Variants in SDK1 observed in about 807,000 individuals in gnomAD.
SDK1 encodes sidekick cell adhesion molecule 1.
In SDK1, 157 loss-of-function variants were observed where a neutral mutation model predicts 245.5. That is an observed-to-expected ratio of 0.64 (90% CI 0.56 to 0.73). The LOEUF is 0.73. Ranked by LOEUF, SDK1 falls within the 30% of genes least tolerant of loss-of-function variation. SDK1 has a pLI of 0.00. For missense variants in SDK1, 3,583 were observed against 3,002.3 expected, an observed-to-expected ratio of 1.19 and a Z score of -4.52; for synonymous variants, 1,647 against 1,278.5, an observed-to-expected ratio of 1.29 and a Z score of -6.15.
At position 3,870,707 on chromosome 7, in the gene SDK1, C is replaced by G. The variant is rs566884281; in HGVS notation, c.847+49124C>G. Among the ~76,000 whole-genome samples the G allele has an allele frequency of 2.6e-5, 4 of 152,196 alleles. No homozygotes were observed. The South Asian group carries it at 8.3e-4, about 32-fold the overall frequency. On this transcript the variant is annotated intron_variant, in intron 5 of 44. Transcript: ENST00000404826. ...TTGTATATAACCATAATAAATTTAT[C>G]AAAATGAACAAATTAACATTGGTAC... is the stretch of plus-strand genomic sequence containing the variant.
rs551908207 is a variant in SDK1, at chr7:3,743,341, G to T, written c.714-78109G>T. 2.0e-5 allele frequency among the ~76,000 whole-genome samples: 3 copies of T among 152,186 alleles called. No individual in the cohort carries two copies. The South Asian group carries it at 6.2e-4, about 31-fold the overall frequency. ...TCGGGTTCTGTGGCGGTACAGTCTTGCTAAGTCACAGATTTTTGAACCCAA... is the reference window on the plus strand; with the variant it reads ...TCGGGTTCTGTGGCGGTACAGTCTTTCTAAGTCACAGATTTTTGAACCCAA... On this transcript the variant is annotated intron_variant, in intron 4 of 44. Coordinates refer to ENST00000404826, the MANE Select transcript of SDK1 (RefSeq NM_152744.4).
chr7:3,396,864 AATT>A (rs1778723176), intron 1 of SDK1, among the ~76,000 whole-genome samples: 1 of 151,598 alleles, frequency 6.6e-6, no homozygotes, highest in Admixed American at 6.6e-5. Flanking sequence ...TATTTAATGT[AATT>A]ATTAAGATTT....
chr7:4,231,742 TAGTC>T (rs1483034453), intron 40 of SDK1, among the ~76,000 whole-genome samples: 1 of 152,198 alleles, frequency 6.6e-6, no homozygotes, highest in Non-Finnish European at 1.5e-5. Context: ...TGTAAGGACT[TAGTC>T]GGTGCACATT....
chr7:4,095,634 G>A (rs550785802), intron 22 of SDK1, among the ~76,000 whole-genome samples: 9 of 152,064 alleles, frequency 5.9e-5, no homozygotes, highest in East Asian at 5.8e-4. Context: ...GTGCAGTGGC[G>A]CGATCTCAGC....
chr7:3,339,509 C>G (rs1780289288), intron 1 of SDK1, among the ~76,000 whole-genome samples: 1 of 151,998 alleles, frequency 6.6e-6, no homozygotes, highest in African/African-American at 2.4e-5. Flanking sequence ...CATGGGACAT[C>G]ATAGACATTA....
chr7:3,883,318 T>C (rs1781252839), intron 5 of SDK1, among the ~76,000 whole-genome samples: 1 of 152,212 alleles, frequency 6.6e-6, no homozygotes, highest in African/African-American at 2.4e-5. Context: ...TCTGTCTCAA[T>C]AGAATTTATA....
intron 4 of SDK1, among the ~76,000 whole-genome samples, chr7:3,805,255 C>T (rs1180509214): frequency 6.6e-6 from 1 of 152,178 alleles, no homozygotes; most frequent in African/African-American, 2.4e-5. Context: ...TTTATTACTT[C>T]AGTGAGTGTT....
intron 38 of SDK1, among the ~76,000 whole-genome samples, chr7:4,219,790 C>T (rs1194478524): frequency 6.7e-6 from 1 of 148,508 alleles, no homozygotes; most frequent in African/African-American, 2.5e-5. Context: ...ATGGCAGGAC[C>T]GCCCCCCTTC....
chr7:4,118,572 C>G (rs574365581), intron 25 of SDK1, among the ~76,000 whole-genome samples: 2 of 152,280 alleles, frequency 1.3e-5, no homozygotes, highest in Admixed American at 1.3e-4. Context: ...AACTCTACTC[C>G]TAGGTATGTA....
rs529052827 is a variant in SDK1 at position 3,603,569 on chromosome 7, G to C, written c.299-15511G>C. On this transcript the variant is annotated intron_variant, in intron 1 of 44. Coordinates refer to ENST00000404826, the MANE Select transcript of SDK1 (RefSeq NM_152744.4). The stretch of plus-strand genomic sequence containing the variant: ...CTTTGCTGAAGTTGCTTATCAGCTT[G>C]AGGAGATTTTGGGCTGAGACGATGG... Among the ~76,000 whole-genome samples the C allele has an allele frequency of 9.9e-5, 15 of 152,148 alleles. No individual in the cohort carries two copies. The East Asian group carries it at 2.7e-3, about 28-fold the overall frequency.
chr7:3,829,645 G>A (rs1779866077), intron 5 of SDK1, among the ~76,000 whole-genome samples: 1 of 152,132 alleles, frequency 6.6e-6, no homozygotes, highest in African/African-American at 2.4e-5. Flanking sequence ...AGGTCAAAAC[G>A]TGTCCAAGAG....
At chr7:4,169,968 C>T (rs1190567392) in intron 32 of SDK1, among the ~76,000 whole-genome samples, 1 of 152,190 alleles carries the variant, frequency 6.6e-6, no homozygotes, top group Non-Finnish European at 1.5e-5. Context: ...GGGCTCAGTA[C>T]AGAAACCACT....
intron 1 of SDK1, among the ~76,000 whole-genome samples, chr7:3,555,322 A>G (rs1411397738): frequency 6.6e-6 from 1 of 152,182 alleles, no homozygotes; most frequent in Non-Finnish European, 1.5e-5. Context: ...CCAAGAATAT[A>G]CATTGGGGAA....
At chr7:4,199,959 G>A (rs1427906361) in intron 35 of SDK1, among the ~76,000 whole-genome samples, 1 of 152,166 alleles carries the variant, frequency 6.6e-6, no homozygotes, top group South Asian at 2.1e-4. Flanking sequence ...GCCGGGTGTG[G>A]TGGCGGGCAC....
intron 32 of SDK1, among the ~76,000 whole-genome samples, chr7:4,164,988 A>G (rs1584343560): frequency 6.6e-6 from 1 of 152,230 alleles, no homozygotes; most frequent in East Asian, 1.9e-4. Context: ...AGAAAAAGAA[A>G]CTAGGTTTAA....
chr7:4,255,289 T>C (rs1787555701), intron 44 of SDK1, among the ~76,000 whole-genome samples: 1 of 152,234 alleles, frequency 6.6e-6, no homozygotes. Context: ...ATAAAGTCAT[T>C]TTCCTCAGTC....
At chr7:3,434,825 C>A (rs868249741) in intron 1 of SDK1, among the ~76,000 whole-genome samples, 3 of 152,068 alleles carry the variant, frequency 2.0e-5, no homozygotes, top group Admixed American at 2.0e-4. Flanking sequence ...CAGAGCACAC[C>A]CTAGTGGAGC....
At chr7:4,262,530 G>A (rs1035057449) in intron 44 of SDK1, among the ~76,000 whole-genome samples, 6 of 151,438 alleles carry the variant, frequency 4.0e-5, no homozygotes, top group Admixed American at 2.0e-4. Context: ...CCACTTTTCC[G>A]TGTGTTTGAG....
rs534358995 is a variant in SDK1 at position 3,382,148 on chromosome 7, T to G, written c.298+80264T>G. ...TTTTTTCAAACTTAAACATTTTTTT[T>G]TGTGTAGAGACAGGGTCTACCTTTG... is the stretch of plus-strand genomic sequence containing the variant. On this transcript the variant is annotated intron_variant, in intron 1 of 44. Coordinates refer to ENST00000404826, the MANE Select transcript of SDK1 (RefSeq NM_152744.4). Among the ~76,000 whole-genome samples the G allele has an allele frequency of 3.9e-5, 6 of 152,234 alleles. No homozygotes were observed. In the East Asian group the frequency reaches 7.7e-4, roughly 20 times the overall value.
Sources: gnomAD v4.1 joint callset for allele counts (sites outside exome capture counted in the v4.1 genomes callset) on GRCh38, gnomAD v4.1.1 for gene constraint, MANE v1.5 for transcripts, NCBI Gene and HGNC (gene_info 2026-07-23, HGNC 2026-07-21) for gene names.